THBS4: variants seen among roughly 807,000 people sequenced by gnomAD.
THBS4 encodes thrombospondin-4.
In THBS4, 90 loss-of-function variants were observed where a neutral mutation model predicts 115.7. The observed-to-expected ratio is 0.78, with a 90% CI of 0.66 to 0.93. THBS4 has a LOEUF of 0.93. Ranked by LOEUF, THBS4 falls within the 40% of genes least tolerant of loss-of-function variation. The pLI, the probability that THBS4 is intolerant of heterozygous loss-of-function variation, is 0.00. For synonymous variants in THBS4, 460 were observed against 479.3 expected (o/e 0.96, Z 0.53); for missense variants, 1,087 against 1,232.7 (o/e 0.88, Z 1.77).
At chr5:79,998,181 A>G (rs959323323) in intron 1 of THBS4, among the ~76,000 whole-genome samples, 13 of 152,308 alleles carry the variant, frequency 8.5e-5, no homozygotes, top group African/African-American at 3.1e-4. Flanking sequence ...TCGAATTGTA[A>G]TCCCCACTGT....
At chr5:80,075,599 A>AC (rs1288433459) in intron 15 of THBS4, among the ~76,000 whole-genome samples, 2 of 152,190 alleles carry the variant, frequency 1.3e-5, no homozygotes, top group African/African-American at 2.4e-5. Context: ...ACTACTATCT[A>AC]CATTAATTTC....
chr5:80,079,221 C>T lies in THBS4; in HGVS notation c.2474C>T (p.Pro825Leu), dbSNP rs1743370913. 2 of 1,613,614 alleles carry T rather than the reference C, an allele frequency of 1.2e-6. No homozygotes were observed. Among genetic ancestry groups the T allele is most frequent in the Non-Finnish European group, 8.5e-7 (1 of 1,179,686 alleles). Residue 825 changes from proline (P) to leucine (L), a missense_variant, in exon 19 of 22, where the codon CCA (proline) becomes CTA (leucine). Coordinates refer to ENST00000350881, the MANE Select transcript of THBS4 (RefSeq NM_003248.6). ...QTEQTYWQAT[P>L]FRAVAEPGIQ... ...GAGCAGACATATTGGCAAGCCACCC[C>T]ATTCCGAGCAGTTGCAGAACCTGGC... is the stretch of plus-strand genomic sequence containing the variant.
intron 2 of THBS4, among the ~76,000 whole-genome samples, chr5:80,054,117 G>A (rs1306688809): frequency 2.6e-5 from 4 of 151,500 alleles, no homozygotes; most frequent in Admixed American, 6.6e-5. Context: ...AATAAGGTGG[G>A]AGTCCTTCTT....
chr5:80,050,984 A>AG (rs1833236519), intron 2 of THBS4, among the ~76,000 whole-genome samples: 1 of 152,186 alleles, frequency 6.6e-6, no homozygotes, highest in Non-Finnish European at 1.5e-5. Context: ...TTCCAGCCTC[A>AG]GGGGCCTGGC....
chr5:80,005,105 A>T (rs1302681583), intron 2 of THBS4, among the ~76,000 whole-genome samples: 1 of 152,218 alleles, frequency 6.6e-6, no homozygotes, highest in Non-Finnish European at 1.5e-5. Context: ...AATGACAGTA[A>T]TTAAACAAAG....
Position 80,071,096 on chromosome 5 carries a change from T to G in THBS4, c.1636T>G (p.Cys546Gly). Residue 546 changes from cysteine to glycine, a missense_variant, in exon 13 of 22, where the codon TGC becomes GGC. Coordinates refer to ENST00000350881, the MANE Select transcript of THBS4 (RefSeq NM_003248.6). ...KDIFGDACDN[C>G]LSVLNNDQKD... ...TATCTTTGGGGATGCCTGTGATAAC[T>G]GCCTGAGTGTCTTAAATAACGACCA... 6.2e-7 allele frequency: 1 copy of G among 1,611,374 alleles called. No homozygotes were observed. The highest frequency in any genetic ancestry group is 1.1e-5 in the South Asian group (1 of 90,190).
At chr5:80,016,984 CTACT>C (rs1443961704) in intron 2 of THBS4, among the ~76,000 whole-genome samples, 2 of 151,892 alleles carry the variant, frequency 1.3e-5, no homozygotes, top group Admixed American at 1.3e-4. Flanking sequence ...TGGTTTATTC[CTACT>C]TAAGTTGTTC....
At chr5:80,011,032 G>T (rs1420202279) in intron 2 of THBS4, among the ~76,000 whole-genome samples, 1 of 152,192 alleles carries the variant, frequency 6.6e-6, no homozygotes, top group East Asian at 1.9e-4. Context: ...TGTGTTGTGG[G>T]AGAAATCCAG....
upstream of THBS4, chr5:80,033,200 T>C: frequency 2.2e-6 from 1 of 459,520 alleles, no homozygotes; most frequent in South Asian, 1.7e-5. Context: ...AGCAGCATGT[T>C]GGGGATCCTG....
intron 9 of THBS4, chr5:80,067,222 AACTG>A (rs1281995456): frequency 6.6e-6 from 1 of 151,880 alleles, no homozygotes; most frequent in Non-Finnish European, 1.5e-5. Context: ...TGTGTTACTT[AACTG>A]ACTGTGGTAA....
chr5:80,048,064 G>A (rs1486808512), intron 2 of THBS4, among the ~76,000 whole-genome samples: 2 of 152,118 alleles, frequency 1.3e-5, no homozygotes, highest in East Asian at 3.9e-4. Flanking sequence ...GCAGTGAGCC[G>A]TGATCATGCC....
intron 2 of THBS4, among the ~76,000 whole-genome samples, chr5:80,029,724 C>T (rs1832547351): frequency 6.6e-6 from 1 of 151,834 alleles, no homozygotes; most frequent in Admixed American, 6.6e-5. Flanking sequence ...CTTTGGGAGG[C>T]CGAGGCGGGC....
intron 2 of THBS4, among the ~76,000 whole-genome samples, chr5:80,047,301 T>C (rs1833099921): frequency 6.6e-6 from 1 of 152,234 alleles, no homozygotes; most frequent in South Asian, 2.1e-4. Context: ...TGGACACATT[T>C]CACAAGGACA....
At chr5:80,063,830 T>C (rs1833720376) in intron 8 of THBS4, among the ~76,000 whole-genome samples, 1 of 152,194 alleles carries the variant, frequency 6.6e-6, no homozygotes, top group South Asian at 2.1e-4. Flanking sequence ...TAACAGCAAA[T>C]GTTACTGCAT....
At chr5:80,056,132 G>T in intron 3 of THBS4, 100 bp downstream of exon 3, 1 of 1,375,966 alleles carries the variant, frequency 7.3e-7, no homozygotes, top group Non-Finnish European at 9.7e-7. Flanking sequence ...CAGGTCAGTG[G>T]GTCTAATGCC....
At chr5:80,027,729 C>T (rs1355286061) in intron 2 of THBS4, among the ~76,000 whole-genome samples, 2 of 150,886 alleles carry the variant, frequency 1.3e-5, no homozygotes, top group South Asian at 2.1e-4. Context: ...AATCCCATTT[C>T]GACAAAAAAA....
chr5:80,055,120 G>A (rs1413192654), intron 2 of THBS4, among the ~76,000 whole-genome samples: 1 of 151,944 alleles, frequency 6.6e-6, no homozygotes, highest in African/African-American at 2.4e-5. Flanking sequence ...TCGGGATTTC[G>A]AGACCAGCCT....
chr5:80,070,369 C>G lies in THBS4; in HGVS notation c.1411C>G (p.Pro471Ala), dbSNP rs1325775911. 2 of 1,612,960 alleles carry G rather than the reference C, an allele frequency of 1.2e-6. No individual in the cohort carries two copies. Among genetic ancestry groups the G allele is most frequent in the Admixed American group, 1.7e-5 (1 of 59,870 alleles). The change falls in exon 11 of 22, where the codon CCC becomes GCC. Residue 471 changes from proline to alanine, a missense_variant. By Grantham distance (27) the Pro-to-Ala change is conservative. Around this residue, in one of 3 missense-constraint regions of THBS4, gnomAD observed 979 missense variants for 1,103.7 expected, o/e 0.89. Coordinates refer to ENST00000350881, the MANE Select transcript of THBS4 (RefSeq NM_003248.6). ...AAAGGATGTGGACATCGACAGTTACCCCGACGAAGAACTGCCATGCTCTGC... is the reference window on the plus strand; with the variant it reads ...AAAGGATGTGGACATCGACAGTTACGCCGACGAAGAACTGCCATGCTCTGC... ...CGKDVDIDSY[P>A]DEELPCSARN...
rs1455678381 is a variant in THBS4, at chr5:80,048,253, T to C, written c.293-7532T>C. ...TGGTAGAAGACAGAGGAAACAGATA[T>C]TGGCTCTGTATTAGGAAAATCTTGG... On this transcript the variant is annotated intron_variant, in intron 2 of 21. Transcript: ENST00000350881. Among the ~76,000 whole-genome samples the C allele has an allele frequency of 5.9e-5, 9 of 152,366 alleles. No individual in the cohort carries two copies. The East Asian group carries it at 1.7e-3, about 29-fold the overall frequency.
Sources: allele counts gnomAD v4.1 joint callset (sites outside exome capture counted in the v4.1 genomes callset), GRCh38; gene constraint gnomAD v4.1.1; regional missense constraint gnomAD v4.1.1; transcripts MANE v1.5; gene names NCBI Gene and HGNC (gene_info 2026-07-23, HGNC 2026-07-21).